Variants in CNTN5 observed in about 807,000 individuals in gnomAD.
CNTN5 encodes contactin 5.
CNTN5 carries 77 observed loss-of-function variants against 129.1 expected under a neutral mutation model. The observed-to-expected ratio is 0.60, with a 90% CI of 0.50 to 0.72. The LOEUF (loss-of-function observed/expected upper bound fraction) is 0.72, where lower values mean the gene tolerates loss of function less well. Ranked by LOEUF, CNTN5 falls within the 30% of genes least tolerant of loss-of-function variation. CNTN5 has a pLI of 0.00. For synonymous variants in CNTN5, 509 were observed against 465.6 expected (o/e 1.09, Z -1.20); for missense variants, 1,478 against 1,328.8 (o/e 1.11, Z -1.75).
intron 6 of CNTN5, among the ~76,000 whole-genome samples, chr11:99,882,681 C>G (rs1948802010): frequency 1.3e-5 from 2 of 152,092 alleles, no homozygotes; most frequent in Admixed American, 1.3e-4. Flanking sequence ...TATCCATCCC[C>G]TTTAGCATTT....
intron 2 of CNTN5, among the ~76,000 whole-genome samples, chr11:99,425,230 A>C (rs910004610): frequency 6.6e-6 from 1 of 152,182 alleles, no homozygotes; most frequent in African/African-American, 2.4e-5. Flanking sequence ...CTGATTGGCC[A>C]AACAGTCATC....
In CNTN5 at chr11:99,884,952, C is replaced by T. The variant is rs143106616; in HGVS notation, c.578-31102C>T. 9.4e-3 allele frequency among the ~76,000 whole-genome samples: 1,426 copies of T among 152,136 alleles called. 14 individuals are homozygous for T. Among genetic ancestry groups the T allele is most frequent in the Non-Finnish European group, 0.014 (936 of 67,980 alleles). On this transcript the variant is annotated intron_variant, in intron 6 of 24. Coordinates refer to ENST00000524871, the MANE Select transcript of CNTN5 (RefSeq NM_014361.4). ...ATGTAGTACCACTGCACTCCACCCTCAGCGACAGAGCGACACCCCATCTCA... is the reference window on the plus strand; with the variant it reads ...ATGTAGTACCACTGCACTCCACCCTTAGCGACAGAGCGACACCCCATCTCA...
At chr11:100,040,892 A>T (rs1241347319) in intron 9 of CNTN5, among the ~76,000 whole-genome samples, 4 of 152,118 alleles carry the variant, frequency 2.6e-5, no homozygotes, top group Non-Finnish European at 5.9e-5. Flanking sequence ...TTCTTTGACT[A>T]GGAAAGGGAA....
intron 13 of CNTN5, among the ~76,000 whole-genome samples, chr11:100,166,167 T>G: frequency 6.6e-6 from 1 of 151,794 alleles, no homozygotes; most frequent in East Asian, 1.9e-4. Context: ...AGCAAATAAC[T>G]ATAATATGAT....
At chr11:99,420,035 G>T (rs897187471) in intron 2 of CNTN5, among the ~76,000 whole-genome samples, 32 of 152,032 alleles carry the variant, frequency 2.1e-4, no homozygotes, top group African/African-American at 7.5e-4. Flanking sequence ...CTATAGTCAA[G>T]GTAAATCCAA....
At chr11:99,335,665 G>A (rs1394306620) in intron 2 of CNTN5, among the ~76,000 whole-genome samples, 3 of 152,074 alleles carry the variant, frequency 2.0e-5, no homozygotes, top group Non-Finnish European at 2.9e-5. Context: ...ACATACCTCA[G>A]AATTCTCACA....
At chr11:99,936,380 A>G (rs1329187594) in intron 7 of CNTN5, among the ~76,000 whole-genome samples, 2 of 152,198 alleles carry the variant, frequency 1.3e-5, no homozygotes, top group African/African-American at 4.8e-5. Context: ...CCTTCAGACT[A>G]TAATAGGAAC....
intron 3 of CNTN5, among the ~76,000 whole-genome samples, chr11:99,716,856 T>C (rs1307215220): frequency 6.6e-6 from 1 of 152,124 alleles, no homozygotes; most frequent in Admixed American, 6.6e-5. Context: ...AAAACGAAAG[T>C]ATTTTATGTT....
intron 1 of CNTN5, among the ~76,000 whole-genome samples, chr11:99,159,832 G>A (rs547016095): frequency 1.4e-4 from 22 of 152,136 alleles, no homozygotes; most frequent in African/African-American, 5.3e-4. Flanking sequence ...CATAAATTTT[G>A]GTTGCTAGTT....
chr11:99,691,940 C>T (rs914370986), intron 3 of CNTN5, among the ~76,000 whole-genome samples: 1 of 152,036 alleles, frequency 6.6e-6, no homozygotes, highest in African/African-American at 2.4e-5. Context: ...GTATTGGGTG[C>T]ATATATATTT....
chr11:99,298,242 C>T (rs965352164), intron 1 of CNTN5, among the ~76,000 whole-genome samples: 24 of 152,184 alleles, frequency 1.6e-4, no homozygotes, highest in African/African-American at 5.8e-4. Context: ...TTGGGCAGCC[C>T]CCAGAATCAC....
At chr11:99,898,218 G>T (rs1380264324) in intron 6 of CNTN5, among the ~76,000 whole-genome samples, 2 of 151,952 alleles carry the variant, frequency 1.3e-5, no homozygotes, top group African/African-American at 4.8e-5. Flanking sequence ...AAATACTAGA[G>T]CAGAACTAAA....
chr11:99,573,198 C>A (rs1949231639), intron 3 of CNTN5, among the ~76,000 whole-genome samples: 1 of 151,410 alleles, frequency 6.6e-6, no homozygotes, highest in African/African-American at 2.4e-5. Context: ...ATAAAATGGA[C>A]CTGATTACAT....
intron 13 of CNTN5, among the ~76,000 whole-genome samples, chr11:100,091,307 C>T (rs996348666): frequency 6.6e-6 from 1 of 151,804 alleles, no homozygotes; most frequent in African/African-American, 2.4e-5. Context: ...CCTTCCTGAC[C>T]CTCTATCTGA....
intron 1 of CNTN5, among the ~76,000 whole-genome samples, chr11:99,108,378 C>G (rs569523365): frequency 6.6e-6 from 1 of 152,222 alleles, no homozygotes; most frequent in South Asian, 2.1e-4. Context: ...TTATTAGACA[C>G]AGCCATAGGA....
intron 13 of CNTN5, among the ~76,000 whole-genome samples, chr11:100,127,609 A>G (rs1485504039): frequency 6.7e-6 from 1 of 149,370 alleles, no homozygotes; most frequent in Non-Finnish European, 1.5e-5. Context: ...AGCCAAATGA[A>G]TCTTAATGGT....
intron 2 of CNTN5, among the ~76,000 whole-genome samples, chr11:99,481,623 G>A (rs961840753): frequency 1.7e-4 from 26 of 152,014 alleles, no homozygotes; most frequent in Non-Finnish European, 3.2e-4. Context: ...TCATTATCAC[G>A]GAATAAAAGA....
At chr11:99,723,752 GTGTGTGTGTA>G (rs924139807) in intron 3 of CNTN5, among the ~76,000 whole-genome samples, 2 of 151,978 alleles carry the variant, frequency 1.3e-5, no homozygotes, top group African/African-American at 4.8e-5. Context: ...GCAGTAAATT[GTGTGTGTGTA>G]TGTGTGTGTG....
intron 2 of CNTN5, among the ~76,000 whole-genome samples, chr11:99,407,588 A>C (rs563848753): frequency 2.0e-5 from 3 of 152,202 alleles, no homozygotes; most frequent in South Asian, 4.1e-4. Context: ...ATGTCCCTCT[A>C]TCCCCCAACT....
Sources: gnomAD v4.1 joint callset for allele counts (sites outside exome capture counted in the v4.1 genomes callset) on GRCh38, gnomAD v4.1.1 for gene constraint, MANE v1.5 for transcripts, NCBI Gene and HGNC (gene_info 2026-07-23, HGNC 2026-07-21) for gene names.